The following TCF20 variants were observed in gnomAD, a reference collection of about 807,000 sequenced individuals.
TCF20 encodes SPRE-binding protein.
TCF20 carries 3 observed loss-of-function variants against 148.6 expected under a neutral mutation model. The ratio of observed to expected loss-of-function variants is 0.02; its 90% CI spans 0.01 to 0.05. The LOEUF is 0.05. TCF20 is among the 10% of genes least tolerant of loss of function. The probability of loss-of-function intolerance (pLI) is 1.00; values close to 1 mark genes in which losing one functional copy is unlikely to be tolerated. For synonymous variants in TCF20, 1,049 were observed against 909.5 expected (o/e 1.15, Z -2.76); for missense variants, 2,350 against 2,429.3 (o/e 0.97, Z 0.69).
At chr22:42,250,921 AGT>A (rs1467149488) in intron 1 of TCF20, among the ~76,000 whole-genome samples, 5 of 152,170 alleles carry the variant, frequency 3.3e-5, no homozygotes, top group African/African-American at 1.2e-4. Flanking sequence ...AGCAAGAGAG[AGT>A]GTGAGGTGCC....
intron 1 of TCF20, among the ~76,000 whole-genome samples, chr22:42,321,577 A>G (rs1346060205): frequency 6.6e-6 from 1 of 151,726 alleles, no homozygotes; most frequent in African/African-American, 2.4e-5. Flanking sequence ...TCACACCCCA[A>G]CTCCACGCTC....
intron 1 of TCF20, among the ~76,000 whole-genome samples, 139 bp downstream of exon 1, chr22:42,270,200 G>C (rs1926527130): frequency 6.6e-6 from 1 of 151,788 alleles, no homozygotes; most frequent in Admixed American, 6.5e-5. Context: ...CCCTGACTCG[G>C]AGTCCAGGAG....
intron 1 of TCF20, among the ~76,000 whole-genome samples, chr22:42,215,714 G>A (rs953203683): frequency 1.6e-4 from 24 of 152,102 alleles, no homozygotes; most frequent in African/African-American, 4.6e-4. Flanking sequence ...CTCGTGATCC[G>A]CCCACCTCGG....
upstream of TCF20, among the ~76,000 whole-genome samples, chr22:42,285,550 G>C (rs1424635003): frequency 6.6e-6 from 1 of 152,076 alleles, no homozygotes; most frequent in Non-Finnish European, 1.5e-5. The surrounding 1 kb of genome is among the most constrained non-coding windows in gnomAD (Gnocchi z 4.2). Flanking sequence ...ACTACTCAAA[G>C]ACTGCAACTG....
chr22:42,320,883 G>A (rs1241856151), intron 1 of TCF20, among the ~76,000 whole-genome samples: 1 of 152,164 alleles, frequency 6.6e-6, no homozygotes, highest in Non-Finnish European at 1.5e-5. Context: ...CACCAGAGGT[G>A]GGGGCCCCCA....
At chr22:42,290,000 G>A (rs569675286) in intron 1 of TCF20, among the ~76,000 whole-genome samples, 288 of 152,346 alleles carry the variant, frequency 1.9e-3, no homozygotes, top group Middle Eastern at 0.017. Context: ...TCTCCTCGGC[G>A]TGTGCAGGCG....
chr22:42,263,855 G>A (rs1039611984), intron 1 of TCF20, among the ~76,000 whole-genome samples: 8 of 152,262 alleles, frequency 5.3e-5, no homozygotes, highest in South Asian at 2.1e-4. Context: ...ATGCTGGTAA[G>A]AGCGTGGGGC....
chr22:42,306,720 C>T (rs1280822224), intron 1 of TCF20, among the ~76,000 whole-genome samples: 1 of 152,182 alleles, frequency 6.6e-6, no homozygotes. Context: ...GAAATGGAGG[C>T]TCAGGAGGGC....
At chr22:42,265,879 G>C (rs1366412286) in intron 1 of TCF20, among the ~76,000 whole-genome samples, 2 of 152,108 alleles carry the variant, frequency 1.3e-5, no homozygotes, top group African/African-American at 4.8e-5. Context: ...TTTCAGCTCA[G>C]GACAGAATGA....
At chr22:42,162,844 T>C (rs1021587645) in intron 5 of TCF20, among the ~76,000 whole-genome samples, 1 of 152,182 alleles carries the variant, frequency 6.6e-6, no homozygotes, top group Non-Finnish European at 1.5e-5. Flanking sequence ...AGCACGTACA[T>C]GCACATGCTC....
chr22:42,225,615 C>T (rs1922815105), intron 1 of TCF20, among the ~76,000 whole-genome samples: 5 of 128,286 alleles, frequency 3.9e-5, no homozygotes, highest in South Asian at 2.4e-4. Flanking sequence ...AGCGAGACTC[C>T]GTCTCAAAAA....
intron 2 of TCF20, among the ~76,000 whole-genome samples, chr22:42,197,817 A>G (rs1311098323): frequency 6.6e-6 from 1 of 152,226 alleles, no homozygotes; most frequent in South Asian, 2.1e-4. Context: ...AGGGAACAAC[A>G]TTAATATCAC....
intron 2 of TCF20, among the ~76,000 whole-genome samples, chr22:42,203,088 T>A (rs911732628): frequency 2.0e-5 from 3 of 152,230 alleles, no homozygotes; most frequent in Non-Finnish European, 2.9e-5. Flanking sequence ...TAATAACTTG[T>A]GTGTTGTGGC....
At position 42,211,793 on chromosome 22, in the gene TCF20, A is replaced by C. The variant is rs746786089; in HGVS notation, c.3513T>G (p.Pro1171=). 6.2e-7 allele frequency: 1 copy of C among 1,614,136 alleles called. No individual in the cohort carries two copies. The highest frequency in any genetic ancestry group is 8.5e-7 in the Non-Finnish European group (1 of 1,180,034). ...GRCLMSSDGL[P]NKGMELKHGS... ...CATGCTTTAATTCCATGCCCTTGTT[A>C]GGCAGACCATCACTAGACATTAGGC... The change falls in exon 2 of 6, where the codon CCT becomes CCG. Residue 1171 remains proline (P), a synonymous_variant. Transcript: ENST00000677622.
At chr22:42,235,179 G>A (rs1222011885) in intron 1 of TCF20, among the ~76,000 whole-genome samples, 2 of 151,152 alleles carry the variant, frequency 1.3e-5, no homozygotes, top group Admixed American at 6.6e-5. Context: ...AATGTCTGTC[G>A]CTCTAGACCT....
chr22:42,281,096 C>T (rs944530396), intron 1 of TCF20, among the ~76,000 whole-genome samples: 1 of 152,172 alleles, frequency 6.6e-6, no homozygotes, highest in Admixed American at 6.5e-5. Flanking sequence ...GCTGGAGGAG[C>T]TGCTCCTGAA....
At chr22:42,203,861 T>C (rs1194128328) in intron 2 of TCF20, among the ~76,000 whole-genome samples, 1 of 152,146 alleles carries the variant, frequency 6.6e-6, no homozygotes, top group Admixed American at 6.5e-5. Flanking sequence ...GGTGAGGTAC[T>C]GGAGTTAGGA....
intron 4 of TCF20, 150 bp from the exon 5 acceptor site, chr22:42,168,886 G>A (rs1935955470): frequency 2.9e-6 from 3 of 1,035,168 alleles, no homozygotes; most frequent in Admixed American, 7.1e-5. Context: ...ATTCAGACAG[G>A]GTTTTCTGAG....
intron 3 of TCF20, among the ~76,000 whole-genome samples, chr22:42,175,649 G>C (rs1320786374): frequency 6.6e-6 from 1 of 152,162 alleles, no homozygotes; most frequent in East Asian, 1.9e-4. Context: ...CAACTGGTTA[G>C]CTCTTGAAAG....
Sources: allele counts gnomAD v4.1 joint callset (sites outside exome capture counted in the v4.1 genomes callset), GRCh38; gene constraint gnomAD v4.1.1; non-coding constraint Gnocchi (gnomAD v3.1); transcripts MANE v1.5; gene names NCBI Gene and HGNC (gene_info 2026-07-23, HGNC 2026-07-21).